The following FRMD4B variants were observed in gnomAD, a reference collection of about 807,000 sequenced individuals.
FRMD4B encodes the protein FERM domain containing 4B, also known as FERM domain-containing protein 4B.
Under a neutral mutation model 141.5 loss-of-function variants are expected in FRMD4B, and 74 were observed. The observed-to-expected ratio is 0.52, with a 90% CI of 0.43 to 0.63. The LOEUF (loss-of-function observed/expected upper bound fraction) is 0.63, where lower values mean the gene tolerates loss of function less well. Among genes scored for constraint, FRMD4B ranks in the 30% least tolerant of loss-of-function variants. FRMD4B has a pLI of 0.00. For synonymous variants in FRMD4B, 506 were observed against 467.9 expected (o/e 1.08, Z -1.05); for missense variants, 1,366 against 1,253.4 (o/e 1.09, Z -1.36).
At chr3:69,216,637 G>A (rs562779900) in intron 10 of FRMD4B, among the ~76,000 whole-genome samples, 6 of 151,752 alleles carry the variant, frequency 4.0e-5, no homozygotes, top group African/African-American at 1.5e-4. Context: ...TCACTATGTT[G>A]GCTAGGATGG....
In FRMD4B at chr3:69,189,656, G is replaced by A. The variant is rs768554672; in HGVS notation, c.1771+240C>T. On this transcript the variant is annotated intron_variant, in intron 18 of 22. Coordinates refer to ENST00000398540, the MANE Select transcript of FRMD4B (RefSeq NM_015123.3). The stretch of plus-strand genomic sequence containing the variant: ...CTTACTGAGAGACTTAGATACTCCC[G>A]TGAGGGCATTCTGATTCGCTGAGGT... 2.5e-4 allele frequency among the ~76,000 whole-genome samples: 38 copies of A among 152,258 alleles called. 1 individual carries two copies. The highest frequency in any genetic ancestry group is 2.0e-3 in the Admixed American group (30 of 15,284).
chr3:69,506,795 T>G (rs56261875), intron 1 of FRMD4B, among the ~76,000 whole-genome samples: 35,710 of 150,162 alleles, frequency 0.24, 4,366 homozygotes, highest in African/African-American at 0.29. Context: ...TCTCCTGCCT[T>G]GGCCTCCTAA....
chr3:69,280,108 TGCATTTAG>T (rs1245289861), intron 5 of FRMD4B, among the ~76,000 whole-genome samples: 2 of 152,124 alleles, frequency 1.3e-5, no homozygotes, highest in African/African-American at 4.8e-5. Flanking sequence ...TCCTGCTTCA[TGCATTTAG>T]GCTTTTTCTA....
rs566311966 is a variant in FRMD4B, at chr3:69,335,611, C to T, written c.163-22094G>A. On this transcript the variant is annotated intron_variant, in intron 1 of 22. Transcript: ENST00000398540. The stretch of plus-strand genomic sequence containing the variant: ...GATTATGGGCATGAGCCGCTGCAGC[C>T]GGCCCCATAATTGCACTCTTAAGGA... 2.2e-4 allele frequency among the ~76,000 whole-genome samples: 34 copies of T among 151,612 alleles called. No individual in the cohort carries two copies. In the South Asian group the frequency reaches 5.6e-3, roughly 25 times the overall value.
intron 1 of FRMD4B, among the ~76,000 whole-genome samples, chr3:69,341,274 T>G (rs1310765262): frequency 6.6e-6 from 1 of 151,494 alleles, no homozygotes; most frequent in Non-Finnish European, 1.5e-5. Flanking sequence ...ATGCAGTGGT[T>G]ACTGAAAAAA....
At chr3:69,201,210 G>T (rs2092963451) in intron 11 of FRMD4B, among the ~76,000 whole-genome samples, 1 of 151,958 alleles carries the variant, frequency 6.6e-6, no homozygotes, top group African/African-American at 2.4e-5. Flanking sequence ...TCATATATGT[G>T]CATATAATAA....
At chr3:69,327,337 T>A (rs575899346) in intron 1 of FRMD4B, among the ~76,000 whole-genome samples, 2 of 152,352 alleles carry the variant, frequency 1.3e-5, no homozygotes, top group South Asian at 2.1e-4. Context: ...ACTGCAGTAC[T>A]TGTAATTTAA....
At chr3:69,422,887 A>G (rs1197503891) in intron 2 of FRMD4B, among the ~76,000 whole-genome samples, 3 of 152,136 alleles carry the variant, frequency 2.0e-5, no homozygotes, top group Non-Finnish European at 1.5e-5. Context: ...GCAGACCCCT[A>G]TGTCCTGAAA....
intron 1 of FRMD4B, among the ~76,000 whole-genome samples, chr3:69,344,907 G>A (rs556575513): frequency 1.3e-5 from 2 of 152,260 alleles, no homozygotes; most frequent in Admixed American, 1.3e-4. Flanking sequence ...CTCCCAGCTT[G>A]AGCGATGCAG....
intron 1 of FRMD4B, among the ~76,000 whole-genome samples, chr3:69,493,629 T>C (rs907843182): frequency 3.3e-5 from 5 of 152,172 alleles, no homozygotes; most frequent in Admixed American, 2.6e-4. Flanking sequence ...TTCGCCCTCC[T>C]AGCATTTACA....
intron 11 of FRMD4B, among the ~76,000 whole-genome samples, chr3:69,206,660 T>A (rs1000151181): frequency 6.6e-6 from 1 of 152,258 alleles, no homozygotes; most frequent in African/African-American, 2.4e-5. Flanking sequence ...TTACAACTGG[T>A]ATCCCTTCTT....
chr3:69,412,985 T>C (rs1029890332), intron 2 of FRMD4B, among the ~76,000 whole-genome samples: 1 of 151,928 alleles, frequency 6.6e-6, no homozygotes, highest in African/African-American at 2.4e-5. Flanking sequence ...GATGGGTCTC[T>C]GAGTTATCAT....
At chr3:69,229,279 G>A (rs1025273427) in intron 7 of FRMD4B, among the ~76,000 whole-genome samples, 3 of 152,054 alleles carry the variant, frequency 2.0e-5, no homozygotes, top group African/African-American at 7.2e-5. Flanking sequence ...TCCTGCCTTA[G>A]CTTCCCAAAG....
At chr3:69,443,719 A>G (rs1324819392) in intron 1 of FRMD4B, among the ~76,000 whole-genome samples, 2 of 152,244 alleles carry the variant, frequency 1.3e-5, no homozygotes, top group African/African-American at 4.8e-5. Context: ...GTGTAGGCCA[A>G]GCTAACTTTC....
chr3:69,288,054 G>A (rs1454140004), intron 4 of FRMD4B, among the ~76,000 whole-genome samples: 1 of 152,212 alleles, frequency 6.6e-6, no homozygotes, highest in Admixed American at 6.5e-5. Flanking sequence ...TTGTGTCTTG[G>A]AAGGTGAGTT....
At chr3:69,280,723 C>A (rs373607779) in intron 5 of FRMD4B, among the ~76,000 whole-genome samples, 1 of 152,042 alleles carries the variant, frequency 6.6e-6, no homozygotes, top group Admixed American at 6.6e-5. Flanking sequence ...TGGGCTCAAG[C>A]GATCCTCCCA....
At chr3:69,346,928 G>C (rs1462043648) in intron 1 of FRMD4B, among the ~76,000 whole-genome samples, 1 of 152,096 alleles carries the variant, frequency 6.6e-6, no homozygotes, top group Non-Finnish European at 1.5e-5. Context: ...ATCAACTAAC[G>C]AGCAAAATAA....
chr3:69,285,701 G>A (rs769286613), intron 5 of FRMD4B, among the ~76,000 whole-genome samples: 10 of 151,872 alleles, frequency 6.6e-5, no homozygotes, highest in Admixed American at 2.6e-4. Context: ...AAAATTAGCC[G>A]GGTGCGGTGG....
In FRMD4B at chr3:69,299,736, C is replaced by T. The variant is rs756668115; in HGVS notation, c.416+2607G>A. 6.1e-4 allele frequency among the ~76,000 whole-genome samples: 93 copies of T among 152,094 alleles called. 1 individual carries two copies. The highest frequency in any genetic ancestry group is 5.0e-4 in the Non-Finnish European group (34 of 67,996). On this transcript the variant is annotated intron_variant, in intron 4 of 22. Coordinates refer to ENST00000398540, the MANE Select transcript of FRMD4B (RefSeq NM_015123.3). The stretch of plus-strand genomic sequence containing the variant: ...TTAGGATATTTCTAATTGTTTGCAC[C>T]GAAAATAACAGCGGTACACATGCTT...
Sources: gnomAD v4.1 joint callset for allele counts (sites outside exome capture counted in the v4.1 genomes callset) on GRCh38, gnomAD v4.1.1 for gene constraint, MANE v1.5 for transcripts, NCBI Gene and HGNC (gene_info 2026-07-23, HGNC 2026-07-21) for gene names.